Variants in CREG1 observed in about 807,000 individuals in gnomAD.
The protein encoded by CREG1 is cellular repressor of E1A stimulated genes 1, also known as protein CREG1.
In CREG1, 20 loss-of-function variants were observed where a neutral mutation model predicts 19.9. The observed-to-expected ratio is 1.01, with a 90% CI of 0.71 to 1.46. The LOEUF (loss-of-function observed/expected upper bound fraction) is 1.46. CREG1 is among the 40% of genes most tolerant of loss of function. The probability of loss-of-function intolerance (pLI) is 0.00; values close to 1 mark genes in which losing one functional copy is unlikely to be tolerated. For synonymous variants in CREG1, 141 were observed against 143.3 expected (o/e 0.98, Z 0.12); for missense variants, 290 against 314.9 (o/e 0.92, Z 0.60).
chr1:167,545,599 G>A (rs1304471350), intron 3 of CREG1, among the ~76,000 whole-genome samples: 2 of 152,138 alleles, frequency 1.3e-5, no homozygotes, highest in African/African-American at 4.8e-5. Flanking sequence ...GGCTGAGGCA[G>A]GCAGACTGCC....
chr1:167,552,773 G>A (rs749182395), intron 1 of CREG1, among the ~76,000 whole-genome samples: 5 of 152,174 alleles, frequency 3.3e-5, no homozygotes, highest in African/African-American at 4.8e-5. Flanking sequence ...CAGGCAGGGC[G>A]CGGTGGTTCA....
intron 2 of CREG1, 102 bp downstream of exon 2, chr1:167,547,900 G>C: frequency 7.5e-7 from 1 of 1,336,412 alleles, no homozygotes; most frequent in Non-Finnish European, 1.0e-6. Flanking sequence ...CAGCCTGGGA[G>C]ACAGAGTGAG....
At chr1:167,545,994 G>T (rs898790257) in intron 3 of CREG1, 107 bp downstream of exon 3, 20 of 827,524 alleles carry the variant, frequency 2.4e-5, no homozygotes, top group Non-Finnish European at 3.6e-5. Context: ...TTACCAGACT[G>T]CCCAGGGTGT....
At chr1:167,548,473 T>C (rs1028023932) in intron 1 of CREG1, among the ~76,000 whole-genome samples, 1 of 140,802 alleles carries the variant, frequency 7.1e-6, no homozygotes, top group Non-Finnish European at 1.6e-5. Context: ...TTTAAAGGGT[T>C]AAACTCTATA....
chr1:167,553,747 T>A lies in CREG1; in HGVS notation c.-6A>T. The stretch of plus-strand genomic sequence containing the variant: ...CCGCGGGATAGCCCGGCCATGGCGG[T>A]GTCTCCAGGAAGAGTCCCGGGCCCC... On this transcript the variant is annotated 5_prime_UTR_variant, in exon 1 of 4. Transcript: ENST00000370509. 1 of 1,273,428 alleles carries A rather than the reference T, an allele frequency of 7.9e-7. No homozygotes were observed. The highest frequency in any genetic ancestry group is 9.9e-7 in the Non-Finnish European group (1 of 1,009,626). The allele number at this position is 1,273,428 out of a possible 1,614,324, so 78.9% of individuals were successfully genotyped here.
intron 1 of CREG1, among the ~76,000 whole-genome samples, chr1:167,551,315 G>A (rs1382227253): frequency 6.6e-6 from 1 of 152,144 alleles, no homozygotes; most frequent in African/African-American, 2.4e-5. Context: ...CACCCTGGAG[G>A]TCAGGAGGAG....
In CREG1 at chr1:167,546,118, A is replaced by T. The variant is rs141237606; in HGVS notation, c.642T>A (p.Tyr214Ter). Residue 214 changes from tyrosine to a stop codon, truncating the protein, a stop_gained, in exon 3 of 4, where the codon TAT becomes TAA. Coordinates refer to ENST00000370509, the MANE Select transcript of CREG1 (RefSeq NM_003851.3). LOFTEE classifies it high-confidence loss of function. ...GTACTTACTGAACTGTGACATTATA[A>T]TATTCTTCTGGTGTCACGATTTTTG... is the stretch of plus-strand genomic sequence containing the variant. ...GGPKIVTPEEYYNVTVQ is the reference protein window; with the variant it reads ...GGPKIVTPEE The T allele has an allele frequency of 1.1e-5, 18 of 1,605,006 alleles. No individual in the cohort carries two copies. The South Asian group carries it at 1.9e-4, about 17-fold the overall frequency.
chr1:167,543,980 T>C (rs1656272577), intron 3 of CREG1, among the ~76,000 whole-genome samples: 1 of 152,266 alleles, frequency 6.6e-6, no homozygotes, highest in Non-Finnish European at 1.5e-5. Context: ...ATGTTATTTA[T>C]ATAAAGATAA....
chr1:167,549,393 T>G (rs1656384625), intron 1 of CREG1, among the ~76,000 whole-genome samples: 1 of 151,128 alleles, frequency 6.6e-6, no homozygotes, highest in Non-Finnish European at 1.5e-5. Flanking sequence ...TTTTTTTGTT[T>G]TTTTTTTTTG....
intron 3 of CREG1, among the ~76,000 whole-genome samples, chr1:167,544,096 T>C (rs1438796023): frequency 6.6e-6 from 1 of 152,232 alleles, no homozygotes; most frequent in African/African-American, 2.4e-5. Flanking sequence ...AAAGTTGTAA[T>C]TGCTACCTCT....
chr1:167,543,715 A>G (rs1409588501), intron 3 of CREG1, among the ~76,000 whole-genome samples: 1 of 152,220 alleles, frequency 6.6e-6, no homozygotes, highest in African/African-American at 2.4e-5. Flanking sequence ...ACCCGGTCAG[A>G]GCGGGCAGCT....
rs1015892042 is a variant in CREG1, at chr1:167,553,479, A to G, written c.263T>C (p.Val88Ala). ...EAVRGRPFAD[V>A]LSLSDGPPGA... ...CGGGGGCCCGTCGCTGAGCGAGAGG[A>G]CGTCGGCGAAGGGCCGGCCGCGCAC... is the stretch of plus-strand genomic sequence containing the variant. Residue 88 changes from valine to alanine, a missense_variant, in exon 1 of 4, where the codon GTC becomes GCC. Val to Ala is a moderately conservative substitution (Grantham distance 64, BLOSUM62 0). Coordinates refer to ENST00000370509, the MANE Select transcript of CREG1 (RefSeq NM_003851.3). The G allele has an allele frequency of 1.3e-5, 20 of 1,488,214 alleles. No homozygotes were observed. Among genetic ancestry groups the G allele is most frequent in the Non-Finnish European group, 1.6e-5 (18 of 1,126,788 alleles). 92.2% of individuals were successfully genotyped at this position (1,488,214 alleles called of 1,614,324 possible).
intron 2 of CREG1, 89 bp from the exon 3 acceptor site, chr1:167,546,374 T>C: frequency 1.1e-6 from 1 of 914,116 alleles, no homozygotes; most frequent in Non-Finnish European, 1.7e-6. Flanking sequence ...CCGGGTGCAG[T>C]GGTTCACGCC....
At position 167,542,362 on chromosome 1, in the gene CREG1, A is replaced by C. The variant is rs549089703; in HGVS notation, c.660-61T>G. Reference sequence around the variant, plus strand: ...ACTGGGTTAACAAATCTTAAAAATTAATTCATTCTAGGGAAGGACTAGATA... The same window carrying C: ...ACTGGGTTAACAAATCTTAAAAATTCATTCATTCTAGGGAAGGACTAGATA... On this transcript the variant is annotated intron_variant, in intron 3 of 3. Coordinates refer to ENST00000370509, the MANE Select transcript of CREG1 (RefSeq NM_003851.3). The C allele has an allele frequency of 3.2e-5, 48 of 1,501,018 alleles. No individual in the cohort carries two copies. In the Admixed American group the frequency reaches 4.4e-4, roughly 14 times the overall value. The allele number at this position is 1,501,018 out of a possible 1,614,324, so 93.0% of individuals were successfully genotyped here. A position where few individuals can be genotyped will look rare whatever the true frequency, so the allele number is the denominator to read the frequency against.
intron 3 of CREG1, among the ~76,000 whole-genome samples, 192 bp from the exon 4 acceptor site, chr1:167,542,493 T>C (rs970101479): frequency 2.0e-5 from 3 of 152,190 alleles, no homozygotes; most frequent in East Asian, 1.9e-4. Context: ...TCGGTTTCAA[T>C]AGGTTGAGGG....
At chr1:167,544,174 T>C (rs528448624) in intron 3 of CREG1, among the ~76,000 whole-genome samples, 92 of 152,330 alleles carry the variant, frequency 6.0e-4, no homozygotes, top group Non-Finnish European at 9.0e-4. Context: ...CTCTCCTGCA[T>C]GCACAGCAGC....
At chr1:167,542,730 T>C (rs1656247520) in intron 3 of CREG1, among the ~76,000 whole-genome samples, 1 of 152,212 alleles carries the variant, frequency 6.6e-6, no homozygotes. Context: ...CCAGTGATAG[T>C]GACCACAGCT....
Position 167,542,217 on chromosome 1 carries a change from A to C in CREG1, c.*81T>G. 7.7e-7 allele frequency: 1 copy of C among 1,299,672 alleles called. No individual in the cohort carries two copies. Among genetic ancestry groups the C allele is most frequent in the Non-Finnish European group, 1.0e-6 (1 of 954,414 alleles). The allele number at this position is 1,299,672 out of a possible 1,614,324, so 80.5% of individuals were successfully genotyped here. A position where few individuals can be genotyped will look rare whatever the true frequency, so the allele number is the denominator to read the frequency against. Reference sequence around the variant, plus strand: ...TGGCTAATATTCTGGGACGCTTTCCAGAGAAACATTAAGCCTTTTAAGTGT... The same window carrying C: ...TGGCTAATATTCTGGGACGCTTTCCCGAGAAACATTAAGCCTTTTAAGTGT... On this transcript the variant is annotated 3_prime_UTR_variant, in exon 4 of 4. Coordinates refer to ENST00000370509, the MANE Select transcript of CREG1 (RefSeq NM_003851.3).
chr1:167,542,356 A>G, intron 3 of CREG1, 55 bp from the exon 4 acceptor site: 1 of 1,534,350 alleles, frequency 6.5e-7, no homozygotes, highest in Non-Finnish European at 8.9e-7. Flanking sequence ...ACAAATCTTA[A>G]AAATTAATTC....
Sources: allele counts gnomAD v4.1 joint callset (sites outside exome capture counted in the v4.1 genomes callset), GRCh38; gene constraint gnomAD v4.1.1; transcripts MANE v1.5; gene names NCBI Gene and HGNC (gene_info 2026-07-23, HGNC 2026-07-21).